Variants in PPP2R2C observed in about 807,000 individuals in gnomAD.
PPP2R2C encodes protein phosphatase 2, regulatory subunit B, gamma.
A neutral mutation model predicts 45.3 loss-of-function variants in PPP2R2C; 10 were observed. The observed-to-expected ratio is 0.22, with a 90% CI of 0.14 to 0.37. The LOEUF is 0.37. Among genes scored for constraint, PPP2R2C ranks in the 10% least tolerant of loss-of-function variants. PPP2R2C has a pLI of 1.00. For missense variants in PPP2R2C, 308 were observed against 619.7 expected (o/e 0.50, Z 5.34); for synonymous variants, 257 against 245.4 (o/e 1.05, Z -0.44).
At chr4:6,425,710 G>T (rs1449575933) in intron 1 of PPP2R2C, among the ~76,000 whole-genome samples, 1 of 152,166 alleles carries the variant, frequency 6.6e-6, no homozygotes, top group Non-Finnish European at 1.5e-5. Context: ...TCACCACAGG[G>T]CAGCCAGGAC....
At chr4:6,404,440 G>A (rs565542527) in intron 1 of PPP2R2C, among the ~76,000 whole-genome samples, 1 of 152,268 alleles carries the variant, frequency 6.6e-6, no homozygotes, top group East Asian at 1.9e-4. Flanking sequence ...TCCTGACCTC[G>A]CTTGTATGCA....
At chr4:6,338,927 G>A (rs1456628890) in intron 6 of PPP2R2C, among the ~76,000 whole-genome samples, 4 of 152,242 alleles carry the variant, frequency 2.6e-5, no homozygotes, top group African/African-American at 7.2e-5. Context: ...GAAGGAGCAC[G>A]ATGGGATCTT....
intron 1 of PPP2R2C, among the ~76,000 whole-genome samples, chr4:6,408,366 C>T (rs1717938070): frequency 6.6e-6 from 1 of 152,220 alleles, no homozygotes; most frequent in Non-Finnish European, 1.5e-5. Flanking sequence ...AGGTTCTTCA[C>T]TGCATGATCA....
intron 2 of PPP2R2C, among the ~76,000 whole-genome samples, chr4:6,505,088 T>G (rs1577225747): frequency 6.6e-6 from 1 of 152,202 alleles, no homozygotes; most frequent in East Asian, 1.9e-4. Flanking sequence ...GAACAATGAC[T>G]TGATCCACTA....
chr4:6,376,448 T>C (rs1715310362), intron 3 of PPP2R2C, among the ~76,000 whole-genome samples: 1 of 147,100 alleles, frequency 6.8e-6, no homozygotes. Flanking sequence ...GAAAGTGACA[T>C]GTCTTTTTTT....
At chr4:6,502,972 G>T (rs985563033) in intron 2 of PPP2R2C, among the ~76,000 whole-genome samples, 1 of 152,092 alleles carries the variant, frequency 6.6e-6, no homozygotes, top group African/African-American at 2.4e-5. Flanking sequence ...GTCACCCTGG[G>T]CTGCACATTC....
intron 1 of PPP2R2C, among the ~76,000 whole-genome samples, chr4:6,470,868 G>A (rs1053401916): frequency 1.6e-4 from 25 of 151,866 alleles, no homozygotes; most frequent in African/African-American, 5.8e-4. Context: ...CGGTTCTCCC[G>A]CCGGGAGCGG....
At chr4:6,535,828 C>A (rs971912108) in intron 1 of PPP2R2C, among the ~76,000 whole-genome samples, 2 of 152,184 alleles carry the variant, frequency 1.3e-5, no homozygotes, top group African/African-American at 4.8e-5. Context: ...CTTTTCCTGG[C>A]CAACTTCTGA....
At chr4:6,559,542 C>T (rs1036058240) in intron 1 of PPP2R2C, among the ~76,000 whole-genome samples, 1 of 152,296 alleles carries the variant, frequency 6.6e-6, no homozygotes, top group Non-Finnish European at 1.5e-5. Flanking sequence ...ATTCTTGCCC[C>T]ATGCATAACT....
chr4:6,380,606 A>G (rs570945203), intron 2 of PPP2R2C, among the ~76,000 whole-genome samples: 155 of 152,284 alleles, frequency 1.0e-3, no homozygotes, highest in African/African-American at 3.6e-3. Context: ...TGCCTGTGCC[A>G]CATCCTGACC....
chr4:6,360,891 A>G (rs1259747328), intron 5 of PPP2R2C, among the ~76,000 whole-genome samples: 2 of 152,078 alleles, frequency 1.3e-5, no homozygotes, highest in Admixed American at 6.5e-5. Context: ...CTTGAAGGTG[A>G]CTGCCTTCTC....
chr4:6,342,127 CAT>C (rs1307447023), intron 6 of PPP2R2C, among the ~76,000 whole-genome samples: 16 of 114,198 alleles, frequency 1.4e-4, no homozygotes, highest in Admixed American at 4.1e-4. Context: ...CACACACACA[CAT>C]ACATATATAT....
At chr4:6,513,359 C>G (rs558439601) in intron 2 of PPP2R2C, among the ~76,000 whole-genome samples, 9 of 152,248 alleles carry the variant, frequency 5.9e-5, no homozygotes. Flanking sequence ...AGCAGTGGTG[C>G]TGGTGCATGG....
intron 1 of PPP2R2C, among the ~76,000 whole-genome samples, chr4:6,439,624 T>C (rs1370819861): frequency 6.6e-6 from 1 of 152,212 alleles, no homozygotes. Context: ...TCTGCTCTTC[T>C]CCTCTGCTCT....
chr4:6,418,922 G>A (rs543162432), intron 1 of PPP2R2C, among the ~76,000 whole-genome samples: 2 of 152,318 alleles, frequency 1.3e-5, no homozygotes, highest in Admixed American at 1.3e-4. Flanking sequence ...TGGGCACAGA[G>A]ACAGGAGGCG....
At chr4:6,409,065 T>G (rs1045005120) in intron 1 of PPP2R2C, among the ~76,000 whole-genome samples, 1 of 152,068 alleles carries the variant, frequency 6.6e-6, no homozygotes, top group African/African-American at 2.4e-5. Flanking sequence ...GGAATTAAAA[T>G]TTTAAAAATC....
At chr4:6,514,924 C>A (rs1055821226) in intron 2 of PPP2R2C, among the ~76,000 whole-genome samples, 7 of 152,130 alleles carry the variant, frequency 4.6e-5, no homozygotes, top group African/African-American at 1.7e-4. Context: ...TCACTACAAT[C>A]TCTGTCTCTA....
chr4:6,485,698 C>A (rs1473333887), intron 2 of PPP2R2C, among the ~76,000 whole-genome samples: 1 of 151,726 alleles, frequency 6.6e-6, no homozygotes, highest in African/African-American at 2.4e-5. Context: ...TTAATGACTG[C>A]TGAATATATA....
At position 6,330,763 on chromosome 4, in the gene PPP2R2C, A is replaced by G. The variant is rs903121691; in HGVS notation, c.961-1410T>C. The stretch of plus-strand genomic sequence containing the variant: ...TGGCAAGGACTACACAGGAAAACAG[A>G]GTGGCACTAGGGGAAGCAGGATTGG... On this transcript the variant is annotated intron_variant, in intron 7 of 8. Coordinates refer to ENST00000382599, the MANE Select transcript of PPP2R2C (RefSeq NM_020416.4). This position sits in a 1 kb window ranked among gnomAD's most constrained non-coding sequence, Gnocchi z 7.0. 1.3e-5 allele frequency among the ~76,000 whole-genome samples: 2 copies of G among 152,180 alleles called. No individual in the cohort carries two copies. Among genetic ancestry groups the G allele is most frequent in the Non-Finnish European group, 2.9e-5 (2 of 68,026 alleles).
Sources: gnomAD v4.1 joint callset for allele counts (sites outside exome capture counted in the v4.1 genomes callset) on GRCh38, gnomAD v4.1.1 for gene constraint, Gnocchi (gnomAD v3.1) non-coding constraint, MANE v1.5 for transcripts, NCBI Gene and HGNC (gene_info 2026-07-23, HGNC 2026-07-21) for gene names.